Variants in PRKCZ observed in about 807,000 individuals in gnomAD.
The protein encoded by PRKCZ is protein kinase C zeta.
A neutral mutation model predicts 79.5 loss-of-function variants in PRKCZ; 33 were observed. That is an observed-to-expected ratio of 0.41 (90% CI 0.31 to 0.55). PRKCZ has a LOEUF of 0.55. Ranked by LOEUF, PRKCZ falls within the 20% of genes least tolerant of loss-of-function variation. The pLI is 0.19. For missense variants in PRKCZ, 578 were observed against 813.5 expected, an observed-to-expected ratio of 0.71 and a Z score of 3.52; for synonymous variants, 342 against 320.9, an observed-to-expected ratio of 1.07 and a Z score of -0.70.
chr1:2,111,020 G>A (rs1008264484), intron 4 of PRKCZ, among the ~76,000 whole-genome samples: 8 of 152,194 alleles, frequency 5.3e-5, no homozygotes, highest in Non-Finnish European at 1.0e-4. Context: ...CCGCCCTGAG[G>A]GCGGGACCCA....
At chr1:2,083,781 T>C (rs1410450834) in intron 4 of PRKCZ, among the ~76,000 whole-genome samples, 1 of 152,220 alleles carries the variant, frequency 6.6e-6, no homozygotes, top group Non-Finnish European at 1.5e-5. Flanking sequence ...TATTCTTCTT[T>C]GATATTTCTC....
intron 4 of PRKCZ, among the ~76,000 whole-genome samples, chr1:2,060,759 G>A (rs1327446394): frequency 1.3e-5 from 2 of 152,112 alleles, no homozygotes; most frequent in Non-Finnish European, 2.9e-5. Flanking sequence ...GGGTATGTCC[G>A]TGGCAGGCGG....
chr1:2,107,222 C>T (rs779317600), intron 4 of PRKCZ, among the ~76,000 whole-genome samples: 14 of 152,228 alleles, frequency 9.2e-5, no homozygotes, highest in Non-Finnish European at 1.9e-4. Context: ...CACCAACAGC[C>T]GGCTGCCTTC....
In PRKCZ at chr1:2,103,364, A is replaced by G. The variant is rs576004056; in HGVS notation, c.335-31898A>G. On this transcript the variant is annotated intron_variant, in intron 4 of 17. Coordinates refer to ENST00000378567, the MANE Select transcript of PRKCZ (RefSeq NM_002744.6). ...CAGTAGTAAGGGTTTATTTATCAAG[A>G]CTGATTTATTTATCAGTTCAAGACA... Among the ~76,000 whole-genome samples the G allele has an allele frequency of 3.3e-5, 5 of 152,294 alleles. No homozygotes were observed. In the South Asian group the frequency reaches 1.0e-3, roughly 32 times the overall value.
intron 4 of PRKCZ, chr1:2,116,452 G>A (rs1670783393): frequency 6.6e-6 from 1 of 152,110 alleles, no homozygotes; most frequent in South Asian, 2.1e-4. Context: ...GGTTCCTGGG[G>A]GCTGTGTGTG....
At chr1:2,117,774 C>T (rs751587740) in intron 4 of PRKCZ, among the ~76,000 whole-genome samples, 3 of 152,006 alleles carry the variant, frequency 2.0e-5, no homozygotes, top group Non-Finnish European at 4.4e-5. Flanking sequence ...TTTTCAGATG[C>T]TTTTTTTCCT....
intron 4 of PRKCZ, among the ~76,000 whole-genome samples, chr1:2,099,023 C>G (rs140876725): frequency 6.6e-6 from 1 of 151,292 alleles, no homozygotes; most frequent in African/African-American, 2.5e-5. Context: ...TCGCATGCAC[C>G]GTTGTCTGTG....
At chr1:2,146,862 A>G (rs999710429) in intron 7 of PRKCZ, among the ~76,000 whole-genome samples, 4 of 152,156 alleles carry the variant, frequency 2.6e-5, no homozygotes, top group African/African-American at 9.7e-5. Context: ...CCTATCCTCT[A>G]TACAGATATT....
Position 2,073,742 on chromosome 1 carries a change from G to A in PRKCZ, c.334+14151G>A, listed in dbSNP as rs963932031. On this transcript the variant is annotated intron_variant, in intron 4 of 17. Coordinates refer to ENST00000378567, the MANE Select transcript of PRKCZ (RefSeq NM_002744.6). ...ATGAGGAGGCAGGGATGTGAGGGGC[G>A]GGGGACAGGACAGCCGGCCTTCCGT... 1.7e-5 allele frequency: 17 copies of A among 1,000,536 alleles called. No homozygotes were observed. The South Asian group carries it at 3.9e-4, about 23-fold the overall frequency. The allele number at this position is 1,000,536 out of a possible 1,614,324, so 62.0% of individuals were successfully genotyped here.
rs900014165 is a variant in PRKCZ at position 2,177,349 on chromosome 1, C to G, written c.1575+2036C>G. Among the ~76,000 whole-genome samples the G allele has an allele frequency of 6.6e-6, 1 of 152,166 alleles. No individual in the cohort carries two copies. Among genetic ancestry groups the G allele is most frequent in the Non-Finnish European group, 1.5e-5 (1 of 68,034 alleles). On this transcript the variant is annotated intron_variant, in intron 16 of 17. Coordinates refer to ENST00000378567, the MANE Select transcript of PRKCZ (RefSeq NM_002744.6). This position sits in a 1 kb window ranked among gnomAD's most constrained non-coding sequence, Gnocchi z 6.4. ...CCCCTCGCCCGTCTCAGCTCAGTCT[C>G]CCCCGTGCCTTTCCCACCCTCTCTC...
At chr1:2,158,201 C>T (rs999933027) in intron 10 of PRKCZ, among the ~76,000 whole-genome samples, 1 of 152,214 alleles carries the variant, frequency 6.6e-6, no homozygotes, top group Non-Finnish European at 1.5e-5. Flanking sequence ...TCAGGGTCCC[C>T]CACCCTCCCC....
At chr1:2,111,070 G>C (rs1422624009) in intron 4 of PRKCZ, among the ~76,000 whole-genome samples, 1 of 152,152 alleles carries the variant, frequency 6.6e-6, no homozygotes, top group Non-Finnish European at 1.5e-5. Flanking sequence ...GGCTCAGGAT[G>C]GAAGGCAGGA....
intron 5 of PRKCZ, among the ~76,000 whole-genome samples, chr1:2,140,141 G>C (rs1023686823): frequency 2.0e-5 from 3 of 152,244 alleles, no homozygotes; most frequent in Non-Finnish European, 2.9e-5. Context: ...GTGCCCTCAG[G>C]TGGCTGGCAG....
At position 2,077,709 on chromosome 1, in the gene PRKCZ, C is replaced by T. The variant is rs190133726; in HGVS notation, c.334+18118C>T. On this transcript the variant is annotated intron_variant, in intron 4 of 17. Transcript: ENST00000378567. Reference sequence around the variant, plus strand: ...CCCAGCTCCACTCCCTGGAGGGGATCACAGCAGTTTCTTTTTGACATTTAT... The same window carrying T: ...CCCAGCTCCACTCCCTGGAGGGGATTACAGCAGTTTCTTTTTGACATTTAT... Among the ~76,000 whole-genome samples the T allele has an allele frequency of 1.5e-4, 23 of 152,340 alleles. No individual in the cohort carries two copies. The East Asian group carries it at 3.9e-3, about 26-fold the overall frequency.
upstream of PRKCZ, chr1:2,049,462 G>GCACGA (rs1245634022): frequency 6.6e-6 from 1 of 152,412 alleles, no homozygotes; most frequent in African/African-American, 2.4e-5. Flanking sequence ...GAGGCGCCAG[G>GCACGA]CACGACCTGC....
At chr1:2,119,147 A>G (rs952619360) in intron 4 of PRKCZ, among the ~76,000 whole-genome samples, 1 of 151,956 alleles carries the variant, frequency 6.6e-6, no homozygotes, top group African/African-American at 2.4e-5. Context: ...ACATCCTTGG[A>G]ACGTAGCATA....
intron 16 of PRKCZ, among the ~76,000 whole-genome samples, chr1:2,181,493 A>G (rs941471613): frequency 3.3e-5 from 5 of 152,056 alleles, no homozygotes; most frequent in Non-Finnish European, 7.4e-5. Flanking sequence ...CAGGACGTCC[A>G]TGGGTTGGGC....
chr1:2,068,150 C>A (rs1024579126), intron 4 of PRKCZ, among the ~76,000 whole-genome samples: 1 of 152,246 alleles, frequency 6.6e-6, no homozygotes, highest in Non-Finnish European at 1.5e-5. Flanking sequence ...CGAGCAGCTC[C>A]TCCGGGGCAG....
intron 4 of PRKCZ, among the ~76,000 whole-genome samples, chr1:2,076,283 C>G (rs1021155855): frequency 6.6e-6 from 1 of 152,234 alleles, no homozygotes; most frequent in African/African-American, 2.4e-5. Flanking sequence ...CATCTCCCCA[C>G]CTCCCTCACA....
Sources: gnomAD v4.1 joint callset for allele counts (sites outside exome capture counted in the v4.1 genomes callset) on GRCh38, gnomAD v4.1.1 for gene constraint, Gnocchi (gnomAD v3.1) non-coding constraint, MANE v1.5 for transcripts, NCBI Gene and HGNC (gene_info 2026-07-23, HGNC 2026-07-21) for gene names.